Variants in PDE1A observed in about 807,000 individuals in gnomAD.
PDE1A encodes dual specificity calcium/calmodulin-dependent 3',5'-cyclic nucleotide phosphodiesterase 1A.
PDE1A carries 35 observed loss-of-function variants against 61.7 expected under a neutral mutation model. That is an observed-to-expected ratio of 0.57 (90% confidence interval 0.43 to 0.75). The LOEUF (loss-of-function observed/expected upper bound fraction) is 0.75, where lower values mean the gene tolerates loss of function less well. Ranked by LOEUF, PDE1A falls within the 30% of genes least tolerant of loss-of-function variation. PDE1A has a pLI of 0.00. For synonymous variants in PDE1A, 232 were observed against 213.2 expected (o/e 1.09, Z -0.77); for missense variants, 597 against 630.6 (o/e 0.95, Z 0.57).
intron 1 of PDE1A, among the ~76,000 whole-genome samples, chr2:182,356,717 G>A (rs1444766856): frequency 3.9e-5 from 6 of 152,028 alleles, no homozygotes; most frequent in African/African-American, 1.4e-4. Context: ...CTGAACGATA[G>A]AGTGAGACTG....
intron 2 of PDE1A, among the ~76,000 whole-genome samples, chr2:182,468,148 A>T (rs182679688): frequency 1.3e-5 from 2 of 152,030 alleles, no homozygotes; most frequent in Admixed American, 6.6e-5. Context: ...AAAATAAGAC[A>T]AGAATGAAGT....
At chr2:182,232,062 C>T (rs959774682) in intron 4 of PDE1A, among the ~76,000 whole-genome samples, 5 of 152,082 alleles carry the variant, frequency 3.3e-5, no homozygotes, top group Non-Finnish European at 4.4e-5. Context: ...TAATACTTTG[C>T]TTGAGGGACA....
At chr2:182,548,530 C>A in the PDE1A span, among the ~76,000 whole-genome samples, 1 of 152,100 alleles carries the variant, frequency 6.6e-6, no homozygotes, top group South Asian at 2.1e-4. Flanking sequence ...GGAGTTTATT[C>A]AAAAACACAC....
chr2:182,428,555 C>T (rs1223781244), upstream of PDE1A, among the ~76,000 whole-genome samples: 1 of 152,128 alleles, frequency 6.6e-6, no homozygotes, highest in Non-Finnish European at 1.5e-5. Flanking sequence ...CACATGTGTG[C>T]TATACAGCAG....
At chr2:182,702,449 C>G in the PDE1A span, among the ~76,000 whole-genome samples, 11 of 152,136 alleles carry the variant, frequency 7.2e-5, no homozygotes, top group Non-Finnish European at 1.5e-4. Context: ...AAGCAGCGTG[C>G]TGCTTTTGGT....
At chr2:182,709,427 T>C in the PDE1A span, among the ~76,000 whole-genome samples, 1 of 152,212 alleles carries the variant, frequency 6.6e-6, no homozygotes, top group African/African-American at 2.4e-5. Context: ...ATTGAATACA[T>C]GCCAAGCACT....
intron 7 of PDE1A, among the ~76,000 whole-genome samples, chr2:182,221,523 C>T (rs1688726510): frequency 6.6e-6 from 1 of 152,048 alleles, no homozygotes; most frequent in Non-Finnish European, 1.5e-5. Context: ...AGAAAAACAA[C>T]ATTCCTGCTA....
chr2:182,300,268 A>G (rs1304659385), intron 1 of PDE1A, among the ~76,000 whole-genome samples: 1 of 152,228 alleles, frequency 6.6e-6, no homozygotes, highest in Non-Finnish European at 1.5e-5. Context: ...AATAAGCTTC[A>G]GGAATAGGTA....
chr2:182,427,073 G>C (rs540242375), upstream of PDE1A: 1 of 955,782 alleles, frequency 1.0e-6, no homozygotes, highest in East Asian at 1.1e-4. Flanking sequence ...AGACTGTTCT[G>C]AGGCTCAACT....
intron 13 of PDE1A, among the ~76,000 whole-genome samples, chr2:182,153,093 C>G (rs773196512): frequency 6.6e-6 from 1 of 152,110 alleles, no homozygotes; most frequent in Non-Finnish European, 1.5e-5. Flanking sequence ...GAGAGTTTTA[C>G]AGGTGATCTA....
the PDE1A span, among the ~76,000 whole-genome samples, chr2:182,549,368 T>C: frequency 1.3e-5 from 2 of 152,074 alleles, no homozygotes; most frequent in African/African-American, 4.8e-5. Context: ...ACAAAACCAA[T>C]AATTCTAAAA....
chr2:182,696,286 AG>A, the PDE1A span, among the ~76,000 whole-genome samples: 1 of 152,250 alleles, frequency 6.6e-6, no homozygotes, highest in Non-Finnish European at 1.5e-5. Flanking sequence ...TACTGCTTAA[AG>A]GAAATGAATT....
At chr2:182,609,772 A>G in the PDE1A span, among the ~76,000 whole-genome samples, 52 of 152,222 alleles carry the variant, frequency 3.4e-4, no homozygotes, top group Non-Finnish European at 5.1e-4. Context: ...CCCATTCCAG[A>G]GTGGGTCCCA....
chr2:182,251,914 G>A (rs189182032), intron 2 of PDE1A, among the ~76,000 whole-genome samples: 1 of 152,288 alleles, frequency 6.6e-6, no homozygotes, highest in Admixed American at 6.5e-5. Flanking sequence ...CATGGGTGGA[G>A]AATGTGTCCT....
chr2:182,426,560 C>T lies in PDE1A; in HGVS notation c.53+18G>A, dbSNP rs189174043. On this transcript the variant is annotated intron_variant, in intron 1 of 13. Transcript: ENST00000351439. ...TTCCTGACAGCCCTAGAGCCACCTG[C>T]GATGTAGCATTACTTACCTAAAGAT... is the stretch of plus-strand genomic sequence containing the variant. 57 of 1,537,896 alleles carry T rather than the reference C, an allele frequency of 3.7e-5. No homozygotes were observed. The highest frequency in any genetic ancestry group is 4.3e-5 in the Non-Finnish European group (48 of 1,111,946).
chr2:182,160,795 T>C lies in PDE1A; in HGVS notation c.1517-13643A>G, dbSNP rs1691337657. On this transcript the variant is annotated intron_variant, in intron 13 of 13. Coordinates refer to the PDE1A transcript ENST00000409365. Reference sequence around the variant, plus strand: ...AATAAATTCCCTTTCATGTATATTCTATTGGTTCTGTCCCCCTGGAGAACC... The same window carrying C: ...AATAAATTCCCTTTCATGTATATTCCATTGGTTCTGTCCCCCTGGAGAACC... Among the ~76,000 whole-genome samples the C allele has an allele frequency of 3.3e-5, 5 of 152,148 alleles. No homozygotes were observed. The South Asian group carries it at 1.0e-3, about 32-fold the overall frequency.
chr2:182,631,313 T>C, the PDE1A span, among the ~76,000 whole-genome samples: 3 of 151,892 alleles, frequency 2.0e-5, no homozygotes, highest in South Asian at 2.1e-4. Flanking sequence ...AATTTATTCA[T>C]TTATTATTAT....
chr2:182,663,527 A>T, the PDE1A span, among the ~76,000 whole-genome samples: 1 of 152,210 alleles, frequency 6.6e-6, no homozygotes, highest in South Asian at 2.1e-4. Flanking sequence ...TTGCAGGAAC[A>T]TGCATGGAGC....
chr2:182,427,604 A>C (rs770158751), upstream of PDE1A, among the ~76,000 whole-genome samples: 24 of 152,164 alleles, frequency 1.6e-4, no homozygotes, highest in Non-Finnish European at 3.2e-4. Context: ...TTATAAAAGT[A>C]AAAGGAAAGA....
Sources: gnomAD v4.1 joint callset for allele counts (sites outside exome capture counted in the v4.1 genomes callset) on GRCh38, gnomAD v4.1.1 for gene constraint, MANE v1.5 for transcripts, NCBI Gene and HGNC (gene_info 2026-07-23, HGNC 2026-07-21) for gene names.